TBC1D19: variants seen among roughly 807,000 people sequenced by gnomAD.
TBC1D19 encodes the protein TBC1 domain family, member 19.
A neutral mutation model predicts 89.0 loss-of-function variants in TBC1D19; 60 were observed. The observed-to-expected ratio is 0.67, with a 90% CI of 0.55 to 0.84. The LOEUF is 0.84. Ranked by LOEUF, TBC1D19 falls within the 40% of genes least tolerant of loss-of-function variation. TBC1D19 has a pLI of 0.00. For missense variants in TBC1D19, 500 were observed against 610.8 expected, an observed-to-expected ratio of 0.82 and a Z score of 1.91; for synonymous variants, 189 against 199.7, an observed-to-expected ratio of 0.95 and a Z score of 0.45.
intron 12 of TBC1D19, among the ~76,000 whole-genome samples, chr4:26,684,744 A>G (rs2109145621): frequency 1.3e-5 from 2 of 152,316 alleles, no homozygotes; most frequent in African/African-American, 4.8e-5. Context: ...GGGAAAAAGA[A>G]GATTACATAT....
chr4:26,780,246 C>T, the TBC1D19 span, among the ~76,000 whole-genome samples: 1 of 152,182 alleles, frequency 6.6e-6, no homozygotes, highest in African/African-American at 2.4e-5. Flanking sequence ...GATCGTCCCA[C>T]ATTTATTTGG....
chr4:26,758,839 A>G (rs1324829937), downstream of TBC1D19, among the ~76,000 whole-genome samples: 3 of 152,160 alleles, frequency 2.0e-5, no homozygotes, highest in Non-Finnish European at 4.4e-5. Flanking sequence ...GGGTATCATT[A>G]TTTGGTATAG....
intron 13 of TBC1D19, among the ~76,000 whole-genome samples, chr4:26,694,783 G>A (rs868231091): frequency 6.6e-6 from 1 of 151,562 alleles, no homozygotes; most frequent in Non-Finnish European, 1.5e-5. Flanking sequence ...AGGCAAACAG[G>A]GTCTGGAGTG....
intron 12 of TBC1D19, among the ~76,000 whole-genome samples, chr4:26,687,232 T>A (rs956896949): frequency 3.3e-5 from 5 of 152,140 alleles, no homozygotes; most frequent in African/African-American, 9.7e-5. Flanking sequence ...TGAATTTTTT[T>A]AAAAAAGCTT....
At chr4:26,762,272 TTTAAC>T in the TBC1D19 span, among the ~76,000 whole-genome samples, 1 of 152,220 alleles carries the variant, frequency 6.6e-6, no homozygotes, top group African/African-American at 2.4e-5. Flanking sequence ...AAATTATCCT[TTTAAC>T]TTAAACAGCT....
At chr4:26,673,444 TATAC>T (rs1371924782) in intron 10 of TBC1D19, among the ~76,000 whole-genome samples, 2 of 78,378 alleles carry the variant, frequency 2.6e-5, no homozygotes, top group Admixed American at 1.6e-4. Context: ...TATATATATA[TATAC>T]ACACACACAC....
chr4:26,803,770 G>C, the TBC1D19 span, among the ~76,000 whole-genome samples: 1 of 152,274 alleles, frequency 6.6e-6, no homozygotes, highest in African/African-American at 2.4e-5. Flanking sequence ...CTGGCAAGCT[G>C]GTGGGGTTTC....
chr4:26,752,360 C>T (rs922039330), intron 19 of TBC1D19, among the ~76,000 whole-genome samples: 2 of 150,992 alleles, frequency 1.3e-5, no homozygotes, highest in African/African-American at 4.9e-5. Flanking sequence ...TCCTCTGCGT[C>T]AGCCTCCTGA....
the TBC1D19 span, among the ~76,000 whole-genome samples, chr4:26,819,197 G>A: frequency 6.6e-6 from 1 of 152,222 alleles, no homozygotes; most frequent in South Asian, 2.1e-4. Flanking sequence ...TTTGTGAGCA[G>A]CTTGCTTTCA....
intron 19 of TBC1D19, among the ~76,000 whole-genome samples, chr4:26,750,340 A>T (rs1445209296): frequency 6.6e-6 from 1 of 152,222 alleles, no homozygotes; most frequent in Non-Finnish European, 1.5e-5. Flanking sequence ...TTTTAAAGAG[A>T]CATTAAAGCA....
intron 3 of TBC1D19, among the ~76,000 whole-genome samples, chr4:26,620,310 C>T (rs376318077): frequency 6.6e-5 from 10 of 152,120 alleles, no homozygotes; most frequent in Admixed American, 3.3e-4. Flanking sequence ...CATTTTCTCA[C>T]GGCACTTACT....
the TBC1D19 span, among the ~76,000 whole-genome samples, chr4:26,780,931 G>T: frequency 6.6e-6 from 1 of 152,152 alleles, no homozygotes; most frequent in South Asian, 2.1e-4. Context: ...AGGCTCAGTG[G>T]CTACACAGGC....
chr4:26,622,933 C>A (rs1331862937), intron 4 of TBC1D19, among the ~76,000 whole-genome samples: 1 of 152,072 alleles, frequency 6.6e-6, no homozygotes, highest in African/African-American at 2.4e-5. Context: ...TAGCATAGTA[C>A]CCAGCCCACA....
intron 15 of TBC1D19, among the ~76,000 whole-genome samples, chr4:26,732,294 C>G (rs76115101): frequency 0.018 from 2,703 of 152,222 alleles, 54 homozygotes; most frequent in East Asian, 0.066. Flanking sequence ...TCCAGGTCAC[C>G]CTTGTCAGAT....
intron 18 of TBC1D19, among the ~76,000 whole-genome samples, chr4:26,745,105 A>G (rs1392228197): frequency 6.6e-6 from 1 of 152,074 alleles, no homozygotes; most frequent in East Asian, 1.9e-4. Flanking sequence ...CTAGTAATAA[A>G]TCTACTATGT....
At chr4:26,717,884 G>A in intron 13 of TBC1D19, 49 bp from the exon 14 acceptor site, 1 of 1,463,274 alleles carries the variant, frequency 6.8e-7, no homozygotes, top group East Asian at 2.3e-5. Flanking sequence ...GAATTACCTG[G>A]TTTTATAATA....
chr4:26,800,648 C>T, the TBC1D19 span, among the ~76,000 whole-genome samples: 9 of 152,312 alleles, frequency 5.9e-5, no homozygotes, highest in East Asian at 1.7e-3. Context: ...CCTATTTCTC[C>T]ACATCCTCTC....
At chr4:26,738,366 A>G (rs755567510) in intron 16 of TBC1D19, among the ~76,000 whole-genome samples, 1 of 151,640 alleles carries the variant, frequency 6.6e-6, no homozygotes, top group South Asian at 2.1e-4. Context: ...GAATTGGAGG[A>G]AAAAATATGC....
In TBC1D19 at chr4:26,672,140, A is replaced by C. The variant is rs1370546426; in HGVS notation, c.665-9A>C. 3 of 1,140,222 alleles carry C rather than the reference A, an allele frequency of 2.6e-6. No individual in the cohort carries two copies. The highest frequency in any genetic ancestry group is 3.5e-6 in the Non-Finnish European group (3 of 848,216). 70.6% of individuals were successfully genotyped at this position (1,140,222 alleles called of 1,614,324 possible). The stretch of plus-strand genomic sequence containing the variant: ...TGTCTAATAATTTTAATTTTTTTTT[A>C]ATTTTTAGAACTTTTTGAAAATGAA... On this transcript the variant is annotated splice_polypyrimidine_tract_variant and intron_variant, in intron 9 of 20. Coordinates refer to ENST00000264866, the MANE Select transcript of TBC1D19 (RefSeq NM_018317.4).
Sources: gnomAD v4.1 joint callset for allele counts (sites outside exome capture counted in the v4.1 genomes callset) on GRCh38, gnomAD v4.1.1 for gene constraint, MANE v1.5 for transcripts, NCBI Gene and HGNC (gene_info 2026-07-23, HGNC 2026-07-21) for gene names.